Variants in SLC45A3 observed in about 807,000 individuals in gnomAD.
The protein encoded by SLC45A3 is solute carrier family 45 member 3.
In SLC45A3, 17 loss-of-function variants were observed where a neutral mutation model predicts 35.3. The ratio of observed to expected loss-of-function variants is 0.48; its 90% CI spans 0.33 to 0.72. SLC45A3 has a LOEUF of 0.72. Ranked by LOEUF, SLC45A3 falls within the 30% of genes least tolerant of loss-of-function variation. The pLI is 0.02. For missense variants in SLC45A3, 597 were observed against 731.7 expected (o/e 0.82, Z 2.12); for synonymous variants, 288 against 334.3 (o/e 0.86, Z 1.51).
At chr1:205,663,656 CAAGTA>C (rs1465844635) in intron 2 of SLC45A3, 38 bp from the exon 3 acceptor site, 1 of 1,520,678 alleles carries the variant, frequency 6.6e-7, no homozygotes. Flanking sequence ...ATGGCTGGGA[CAAGTA>C]AAGGGCAAGG....
chr1:205,670,911 G>T (rs1236638282), intron 1 of SLC45A3, among the ~76,000 whole-genome samples: 2 of 152,222 alleles, frequency 1.3e-5, no homozygotes, highest in Non-Finnish European at 2.9e-5. Context: ...CTGGGAAAAG[G>T]GCAATGGCTC....
rs1671201026 is a variant in SLC45A3 at position 205,670,852 on chromosome 1, CAA to C, written c.-230-5968_-230-5967del. Among the ~76,000 whole-genome samples the C allele has an allele frequency of 3.9e-5, 6 of 152,316 alleles. No homozygotes were observed. The South Asian group carries it at 1.0e-3, about 26-fold the overall frequency. On this transcript the variant is annotated intron_variant, in intron 1 of 4. Coordinates refer to ENST00000367145, the MANE Select transcript of SLC45A3 (RefSeq NM_033102.3). ...CTCCTGAGCCCGTCACTTCGGGCAG[CAA>C]AGAGAATCCCAGGCCCTAGGGGGGC... is the stretch of plus-strand genomic sequence containing the variant.
rs1392762607 is a variant in SLC45A3 at position 205,662,615 on chromosome 1, T to C, written c.958+218A>G. 7.4e-7 allele frequency: 1 copy of C among 1,353,698 alleles called. No homozygotes were observed. Among genetic ancestry groups the C allele is most frequent in the Admixed American group, 3.4e-5 (1 of 29,238 alleles). The allele number at this position is 1,353,698 out of a possible 1,614,324, so 83.9% of individuals were successfully genotyped here. A position where few individuals can be genotyped will look rare whatever the true frequency, so the allele number is the denominator to read the frequency against. On this transcript the variant is annotated intron_variant, in intron 3 of 4. Transcript: ENST00000367145. This position sits in a 1 kb window ranked among gnomAD's most constrained non-coding sequence, Gnocchi z 6.2. ...CCTTCTGTCAAACTGGGGCAACGAC[T>C]CTGATCAGACTCCTAGAGCAGCCAG...
At chr1:205,675,909 C>A (rs1316283804) in intron 1 of SLC45A3, among the ~76,000 whole-genome samples, 1 of 152,148 alleles carries the variant, frequency 6.6e-6, no homozygotes, top group Non-Finnish European at 1.5e-5. Flanking sequence ...GCCCACGGTC[C>A]TCAGGGTCTT....
rs1272995131 is a variant in SLC45A3 at position 205,666,773 on chromosome 1, G to A, written c.-230-1887C>T. 2.6e-5 allele frequency among the ~76,000 whole-genome samples: 4 copies of A among 152,214 alleles called. No individual in the cohort carries two copies. Among genetic ancestry groups the A allele is most frequent in the Non-Finnish European group, 5.9e-5 (4 of 68,042 alleles). On this transcript the variant is annotated intron_variant, in intron 1 of 4. Coordinates refer to ENST00000367145, the MANE Select transcript of SLC45A3 (RefSeq NM_033102.3). The surrounding 1 kb of genome is among the most constrained non-coding windows in gnomAD (Gnocchi z 4.1). ...AAGGCCAGACCTCAGTCTTAGCTGA[G>A]CTGTCATAGGTTCAACTTGAGCATC...
At chr1:205,665,576 G>A (rs1433619361) in intron 1 of SLC45A3, among the ~76,000 whole-genome samples, 1 of 152,116 alleles carries the variant, frequency 6.6e-6, no homozygotes, top group African/African-American at 2.4e-5. Context: ...GAGTGGAGCC[G>A]TCCCCAGGTT....
chr1:205,671,255 GAC>G (rs935402240), intron 1 of SLC45A3, among the ~76,000 whole-genome samples: 12 of 152,202 alleles, frequency 7.9e-5, no homozygotes, highest in African/African-American at 2.7e-4. Flanking sequence ...AGTCAATACA[GAC>G]ACACATTCTG....
chr1:205,659,630 G>C lies in SLC45A3; in HGVS notation c.1266C>G (p.Ser422Arg). ...PKYRGDTGGA[S>R]SEDSLMTSFL... The stretch of plus-strand genomic sequence containing the variant: ...AGCTGGTCATCAGGCTGTCCTCACT[G>C]CTAGCACCTCCAGTGTCCCCTCGGT... The change falls in exon 5 of 5, where the codon AGC becomes AGG. Residue 422 changes from serine to arginine, a missense_variant. Physicochemically the swap from Ser to Arg is moderately radical, Grantham distance 110 (BLOSUM62 -1). Coordinates refer to ENST00000367145, the MANE Select transcript of SLC45A3 (RefSeq NM_033102.3). This position sits in a 1 kb window ranked among gnomAD's most constrained non-coding sequence, Gnocchi z 5.8. 1 of 1,539,160 alleles carries C rather than the reference G, an allele frequency of 6.5e-7. No individual in the cohort carries two copies. The highest frequency in any genetic ancestry group is 8.7e-7 in the Non-Finnish European group (1 of 1,146,356).
chr1:205,662,891 C>G lies in SLC45A3; in HGVS notation c.900G>C (p.Leu300=). The G allele has an allele frequency of 6.2e-7, 1 of 1,612,492 alleles. No individual in the cohort carries two copies. ...LFYTDFVGEG[L]YQGVPRAEPG... ...GCTCAGCTCTGGGCACGCCCTGGTACAGCCCCTCGCCCACGAAATCCGTGT... is the reference window on the plus strand; with the variant it reads ...GCTCAGCTCTGGGCACGCCCTGGTAGAGCCCCTCGCCCACGAAATCCGTGT... The change falls in exon 3 of 5, where the codon CTG becomes CTC. Residue 300 remains leucine (L), a synonymous_variant. Transcript: ENST00000367145. This position sits in a 1 kb window ranked among gnomAD's most constrained non-coding sequence, Gnocchi z 6.2.
At position 205,666,962 on chromosome 1, in the gene SLC45A3, C is replaced by T. The variant is rs1158924026; in HGVS notation, c.-230-2076G>A. ...TGGGAGGGCCCTGAATGCTAACCTGCTCTGGGTTTTCAGGAGACCAGGTCC... is the reference window on the plus strand; with the variant it reads ...TGGGAGGGCCCTGAATGCTAACCTGTTCTGGGTTTTCAGGAGACCAGGTCC... On this transcript the variant is annotated intron_variant, in intron 1 of 4. Transcript: ENST00000367145. The surrounding 1 kb of genome is among the most constrained non-coding windows in gnomAD (Gnocchi z 4.1). 2.6e-5 allele frequency among the ~76,000 whole-genome samples: 4 copies of T among 152,220 alleles called. No individual in the cohort carries two copies. Among genetic ancestry groups the T allele is most frequent in the Non-Finnish European group, 4.4e-5 (3 of 68,038 alleles).
chr1:205,670,980 G>A (rs1213560025), intron 1 of SLC45A3, among the ~76,000 whole-genome samples: 1 of 152,228 alleles, frequency 6.6e-6, no homozygotes, highest in Admixed American at 6.5e-5. Flanking sequence ...GCGCGGTGGA[G>A]AGTGGCTTTT....
intron 1 of SLC45A3, among the ~76,000 whole-genome samples, chr1:205,672,573 T>C (rs1671235422): frequency 6.6e-6 from 1 of 152,242 alleles, no homozygotes; most frequent in South Asian, 2.1e-4. Flanking sequence ...AATATTCATA[T>C]TCGAGATGAA....
Position 205,662,925 on chromosome 1 carries a change from G to C in SLC45A3, c.866C>G (p.Thr289Arg), listed in dbSNP as rs369703351. The C allele has an allele frequency of 2.5e-6, 4 of 1,613,612 alleles. No homozygotes were observed. The highest frequency in any genetic ancestry group is 3.4e-6 in the Non-Finnish European group (4 of 1,180,014). ...GCCCACGAAATCCGTGTAAAACAGCGTGAAGGTCATGAGTGCCATCCAGCT... is the reference window on the plus strand; with the variant it reads ...GCCCACGAAATCCGTGTAAAACAGCCTGAAGGTCATGAGTGCCATCCAGCT... The part of the protein sequence containing the change: ...LCSWMALMTF[T>R]LFYTDFVGEG... The change falls in exon 3 of 5, where the codon ACG becomes AGG. Residue 289 changes from threonine (T) to arginine (R), a missense_variant. By Grantham distance (71) the Thr-to-Arg change is moderately conservative. This residue lies in a region of SLC45A3 where 555 missense variants were observed against 664.9 expected (regional missense o/e 0.83). Transcript: ENST00000367145. This position sits in a 1 kb window ranked among gnomAD's most constrained non-coding sequence, Gnocchi z 6.2.
rs571675100 is a variant in SLC45A3, at chr1:205,659,037, G to A, written c.*197C>T. 99 of 607,638 alleles carry A rather than the reference G, an allele frequency of 1.6e-4. No homozygotes were observed. Among genetic ancestry groups the A allele is most frequent in the African/African-American group, 1.4e-3 (78 of 54,062 alleles). 37.6% of individuals were successfully genotyped at this position (607,638 alleles called of 1,614,324 possible). ...CTCCAGTCAGGCAGCCCTAGAGACTGGGGAGAGAGGAGAGGGACGCCCCAG... is the reference window on the plus strand; with the variant it reads ...CTCCAGTCAGGCAGCCCTAGAGACTAGGGAGAGAGGAGAGGGACGCCCCAG... On this transcript the variant is annotated 3_prime_UTR_variant, in exon 5 of 5. Transcript: ENST00000367145. This position sits in a 1 kb window ranked among gnomAD's most constrained non-coding sequence, Gnocchi z 5.8.
intron 4 of SLC45A3, among the ~76,000 whole-genome samples, chr1:205,660,147 C>T (rs556434529): frequency 1.3e-5 from 2 of 152,098 alleles, no homozygotes; most frequent in African/African-American, 4.8e-5. Context: ...TCCTCATTGC[C>T]CGGTGCAGAG....
Position 205,659,550 on chromosome 1 carries a change from C to G in SLC45A3, c.1346G>C (p.Gly449Ala). 1 of 1,605,282 alleles carries G rather than the reference C, an allele frequency of 6.2e-7. No homozygotes were observed. The highest frequency in any genetic ancestry group is 8.5e-7 in the Non-Finnish European group (1 of 1,175,338). The change falls in exon 5 of 5, where the codon GGA (glycine) becomes GCA (alanine). Residue 449 changes from glycine (G) to alanine (A), a missense_variant. Transcript: ENST00000367145. This position sits in a 1 kb window ranked among gnomAD's most constrained non-coding sequence, Gnocchi z 5.8. ...TGGAGGTGGGAGCAGGCCACTGCCT[C>G]CAGCACCCACGTGTCCATTAGGGAA... ...APFPNGHVGA[G>A]GSGLLPPPPA...
In SLC45A3 at chr1:205,658,828, A is replaced by ATCTC; in HGVS notation, c.*405_*406insGAGA. The stretch of plus-strand genomic sequence containing the variant: ...CGAAGCTGCAGGTTAAGGGGCTTAG[A>ATCTC]GATGGGAAACCAGGTGACTGAGTTT... On this transcript the variant is annotated 3_prime_UTR_variant, in exon 5 of 5. Coordinates refer to ENST00000367145, the MANE Select transcript of SLC45A3 (RefSeq NM_033102.3). 3.9e-6 allele frequency: 1 copy of ATCTC among 257,460 alleles called. No individual in the cohort carries two copies. Among genetic ancestry groups the ATCTC allele is most frequent in the Non-Finnish European group, 7.6e-6 (1 of 131,796 alleles). The allele number at this position is 257,460 out of a possible 1,614,324, so 15.9% of individuals were successfully genotyped here.
At chr1:205,660,418 G>A (rs1670998648) in intron 4 of SLC45A3, among the ~76,000 whole-genome samples, 1 of 152,110 alleles carries the variant, frequency 6.6e-6, no homozygotes, top group South Asian at 2.1e-4. Context: ...CCTATTTAAG[G>A]ACAAGGCCAG....
rs1671083213 is a variant in SLC45A3, at chr1:205,664,393, C to T, written c.172+92G>A. On this transcript the variant is annotated intron_variant, in intron 2 of 4. Transcript: ENST00000367145. This position sits in a 1 kb window ranked among gnomAD's most constrained non-coding sequence, Gnocchi z 5.3. ...TGCCTTCCCAGCAGACCACCTCTCCCTCCAAGCAGCTCCCAGGGCAGAGGT... is the reference window on the plus strand; with the variant it reads ...TGCCTTCCCAGCAGACCACCTCTCCTTCCAAGCAGCTCCCAGGGCAGAGGT... The T allele has an allele frequency of 7.8e-6, 12 of 1,532,410 alleles. No individual in the cohort carries two copies. Among genetic ancestry groups the T allele is most frequent in the Non-Finnish European group, 1.1e-5 (12 of 1,125,772 alleles). 94.9% of individuals were successfully genotyped at this position (1,532,410 alleles called of 1,614,324 possible).
Sources: allele counts gnomAD v4.1 joint callset (sites outside exome capture counted in the v4.1 genomes callset), GRCh38; gene constraint gnomAD v4.1.1; regional missense constraint gnomAD v4.1.1; non-coding constraint Gnocchi (gnomAD v3.1); transcripts MANE v1.5; gene names NCBI Gene and HGNC (gene_info 2026-07-23, HGNC 2026-07-21).